The following CAPN3 variants were observed in gnomAD, a reference collection of about 807,000 sequenced individuals.
The protein encoded by CAPN3 is calpain 3.
CAPN3 carries 88 observed loss-of-function variants against 114.0 expected under a neutral mutation model. That is an observed-to-expected ratio of 0.77 (90% CI 0.65 to 0.92). CAPN3 has a LOEUF of 0.92. Among genes scored for constraint, CAPN3 ranks in the 40% least tolerant of loss-of-function variants. The pLI, the probability that CAPN3 is intolerant of heterozygous loss-of-function variation, is 0.00. For missense variants in CAPN3, 1,028 were observed against 1,069.0 expected (o/e 0.96, Z 0.53); for synonymous variants, 386 against 382.9 (o/e 1.01, Z -0.09).
At chr15:42,407,946 C>T (rs926575015) in intron 15 of CAPN3, among the ~76,000 whole-genome samples, 7 of 152,176 alleles carry the variant, frequency 4.6e-5, no homozygotes, top group African/African-American at 1.7e-4. Flanking sequence ...CTAGATCATG[C>T]TGCTTTTAGC....
At chr15:42,403,154 C>A in intron 13 of CAPN3, 152 bp downstream of exon 13, 1 of 713,118 alleles carries the variant, frequency 1.4e-6, no homozygotes, top group Non-Finnish European at 2.5e-6. Context: ...ATTCATTCAT[C>A]CATTCTGTGA....
chr15:42,401,994 A>G, intron 11 of CAPN3, 130 bp from the exon 12 acceptor site: 3 of 1,356,644 alleles, frequency 2.2e-6, no homozygotes, highest in Non-Finnish European at 2.1e-6. Flanking sequence ...GAGGCAGTGG[A>G]GCGGGCCTGG....
chr15:42,391,789 T>C (rs1191128948), intron 6 of CAPN3, among the ~76,000 whole-genome samples: 1 of 152,156 alleles, frequency 6.6e-6, no homozygotes, highest in Non-Finnish European at 1.5e-5. Context: ...TTTCTTAGAA[T>C]TCTCTCCCTG....
At chr15:42,385,205 G>T (rs2053361908) in intron 2 of CAPN3, among the ~76,000 whole-genome samples, 1 of 152,168 alleles carries the variant, frequency 6.6e-6, no homozygotes, top group South Asian at 2.1e-4. Context: ...ATTTAAATTT[G>T]AGGAAAAGGG....
At chr15:42,388,428 C>T (rs965654720) in intron 4 of CAPN3, among the ~76,000 whole-genome samples, 1 of 152,192 alleles carries the variant, frequency 6.6e-6, no homozygotes, top group Non-Finnish European at 1.5e-5. Flanking sequence ...ACCTCAGCCT[C>T]CCAAGTAGCT....
chr15:42,363,672 G>T (rs944323888), intron 1 of CAPN3, among the ~76,000 whole-genome samples: 1 of 152,218 alleles, frequency 6.6e-6, no homozygotes, highest in African/African-American at 2.4e-5. Context: ...ACCTGGTAAT[G>T]TGTGGTTAAC....
chr15:42,397,217 A>T (rs1301856149), intron 9 of CAPN3, among the ~76,000 whole-genome samples: 1 of 151,914 alleles, frequency 6.6e-6, no homozygotes, highest in African/African-American at 2.4e-5. Context: ...CGTCAACCTC[A>T]CCCTCTCTCA....
chr15:42,409,883 G>GGGGCCCCCCCCCCCCC, intron 18 of CAPN3, 39 bp downstream of exon 18: 2 of 559,456 alleles, frequency 3.6e-6, no homozygotes, highest in Non-Finnish European at 7.1e-6. Flanking sequence ...GGTGGGTGGG[G>GGGGCCCCCCCCCCCCC]AGTCCCGTTG....
At chr15:42,389,748 G>C (rs1403530912) in intron 5 of CAPN3, among the ~76,000 whole-genome samples, 1 of 152,174 alleles carries the variant, frequency 6.6e-6, no homozygotes. Flanking sequence ...TGGACAGCTT[G>C]GAAGGTCAGT....
chr15:42,408,411 C>T lies in CAPN3; in HGVS notation c.1914+87C>T, dbSNP rs747902231. 4.9e-6 allele frequency: 4 copies of T among 812,936 alleles called. No individual in the cohort carries two copies. In the African/African-American group the frequency reaches 6.7e-5, roughly 14 times the overall value. The allele number at this position is 812,936 out of a possible 1,614,324, so 50.4% of individuals were successfully genotyped here. A position where few individuals can be genotyped will look rare whatever the true frequency, so the allele number is the denominator to read the frequency against. On this transcript the variant is annotated intron_variant, in intron 16 of 23. Transcript: ENST00000397163. ...GGGATACACAGGGGCTGGAGGCTTCCCAGGAGTTTGTCTTGAACATCTGGA... is the reference window on the plus strand; with the variant it reads ...GGGATACACAGGGGCTGGAGGCTTCTCAGGAGTTTGTCTTGAACATCTGGA...
rs28364508 is a variant in CAPN3 at position 42,405,867 on chromosome 15, C to T, written c.1783-59C>T. 24,916 of 1,406,708 alleles carry T rather than the reference C, an allele frequency of 0.018. 2,132 individuals carry two copies. The African/African-American group carries it at 0.23, about 13-fold the overall frequency. 87.1% of individuals were successfully genotyped at this position (1,406,708 alleles called of 1,614,324 possible). A position where few individuals can be genotyped will look rare whatever the true frequency, so the allele number is the denominator to read the frequency against. On this transcript the variant is annotated intron_variant, in intron 14 of 23. Transcript: ENST00000397163. ...ATACAGGGAAGCCAAAAGCCACTGGCGGTTCTGAGAACTTACTTTTCACTT... is the reference window on the plus strand; with the variant it reads ...ATACAGGGAAGCCAAAAGCCACTGGTGGTTCTGAGAACTTACTTTTCACTT...
chr15:42,387,633 G>A, intron 3 of CAPN3, 120 bp from the exon 4 acceptor site: 2 of 1,243,766 alleles, frequency 1.6e-6, no homozygotes, highest in South Asian at 1.2e-5. Flanking sequence ...GCACCCAGAT[G>A]CAGAGTCCAG....
rs772785439 is a variant in CAPN3, at chr15:42,410,695, G to A, written c.2263+29G>A. 3.8e-6 allele frequency: 6 copies of A among 1,585,126 alleles called. No homozygotes were observed. The Admixed American group carries it at 5.0e-5, about 13-fold the overall frequency. ...CTGAGAAGGAAGGGGTGGCAGGGAT[G>A]TGGACCCGAGACGGTGGGAGCAGGA... is the stretch of plus-strand genomic sequence containing the variant. On this transcript the variant is annotated intron_variant, in intron 21 of 23. Coordinates refer to ENST00000397163, the MANE Select transcript of CAPN3 (RefSeq NM_000070.3).
rs1161483880 is a variant in CAPN3, at chr15:42,396,744, C to G, written c.1116-56C>G. 7 of 1,370,284 alleles carry G rather than the reference C, an allele frequency of 5.1e-6. No individual in the cohort carries two copies. In the African/African-American group the frequency reaches 8.6e-5, roughly 17 times the overall value. The allele number at this position is 1,370,284 out of a possible 1,614,324, so 84.9% of individuals were successfully genotyped here. A position where few individuals can be genotyped will look rare whatever the true frequency, so the allele number is the denominator to read the frequency against. Reference sequence around the variant, plus strand: ...ATTTCTCTGATACCTCCTGTCCCAACCTACATCAGGCCTTCCCTTCTTCCT... The same window carrying G: ...ATTTCTCTGATACCTCCTGTCCCAAGCTACATCAGGCCTTCCCTTCTTCCT... On this transcript the variant is annotated intron_variant, in intron 8 of 23. Coordinates refer to ENST00000397163, the MANE Select transcript of CAPN3 (RefSeq NM_000070.3).
At chr15:42,411,095 G>A in intron 22 of CAPN3, 95 bp downstream of exon 22, 1 of 1,152,896 alleles carries the variant, frequency 8.7e-7, no homozygotes, top group Non-Finnish European at 1.3e-6. Context: ...CTCCATCCAG[G>A]CTGAACAAGG....
chr15:42,395,626 C>G (rs1455744605), intron 8 of CAPN3, among the ~76,000 whole-genome samples: 1 of 152,188 alleles, frequency 6.6e-6, no homozygotes, highest in Non-Finnish European at 1.5e-5. Flanking sequence ...GCCCAAGTCA[C>G]CTGCAGGGAC....
intron 6 of CAPN3, among the ~76,000 whole-genome samples, chr15:42,390,808 G>C (rs1227619065): frequency 3.9e-5 from 2 of 51,268 alleles, no homozygotes; most frequent in African/African-American, 1.3e-4. Context: ...TTTTTTTTTT[G>C]GAAACCAAGT....
At chr15:42,369,522 T>A (rs147616524) in intron 1 of CAPN3, among the ~76,000 whole-genome samples, 1 of 152,098 alleles carries the variant, frequency 6.6e-6, no homozygotes, top group East Asian at 1.9e-4. Flanking sequence ...AAAAAAAGAA[T>A]GTGATCAGTA....
intron 1 of CAPN3, among the ~76,000 whole-genome samples, chr15:42,382,487 G>A (rs148558154): frequency 1.3e-5 from 2 of 152,180 alleles, no homozygotes; most frequent in African/African-American, 4.8e-5. Flanking sequence ...TCTCACCTCA[G>A]CCTCCCAAGT....
Sources: gnomAD v4.1 joint callset for allele counts (sites outside exome capture counted in the v4.1 genomes callset) on GRCh38, gnomAD v4.1.1 for gene constraint, MANE v1.5 for transcripts, NCBI Gene and HGNC (gene_info 2026-07-23, HGNC 2026-07-21) for gene names.